The following RAI1 variants were observed in gnomAD, a reference collection of about 807,000 sequenced individuals.
RAI1 encodes retinoic acid-induced protein 1.
RAI1 carries 9 observed loss-of-function variants against 123.8 expected under a neutral mutation model. That is an observed-to-expected ratio of 0.07 (90% CI 0.04 to 0.13). The LOEUF is 0.13. Ranked by LOEUF, RAI1 falls within the 10% of genes least tolerant of loss-of-function variation. The pLI, the probability that RAI1 is intolerant of heterozygous loss-of-function variation, is 1.00. For synonymous variants in RAI1, 1,231 were observed against 1,127.3 expected (o/e 1.09, Z -1.84); for missense variants, 2,256 against 2,545.8 (o/e 0.89, Z 2.45).
intron 2 of RAI1, among the ~76,000 whole-genome samples, chr17:17,782,423 G>C (rs1393688204): frequency 6.6e-6 from 1 of 151,822 alleles, no homozygotes; most frequent in East Asian, 2.0e-4. Flanking sequence ...GCCGGGCGGG[G>C]TGCCCGCCTG....
chr17:17,741,714 A>G (rs1021845755), intron 2 of RAI1, among the ~76,000 whole-genome samples: 7 of 152,232 alleles, frequency 4.6e-5, no homozygotes, highest in African/African-American at 1.7e-4. Flanking sequence ...TCAGGAAAGC[A>G]AGAGAATCCC....
chr17:17,780,010 C>G (rs568713732), intron 2 of RAI1, among the ~76,000 whole-genome samples: 3 of 150,594 alleles, frequency 2.0e-5, no homozygotes, highest in African/African-American at 7.3e-5. Flanking sequence ...CTCCTGACCT[C>G]ATGATCCGCC....
rs1228372287 is a variant in RAI1, at chr17:17,794,886, C to T, written c.1938C>T (p.His646=). The part of the protein sequence containing the change: ...SSKPPFSLEN[H]SACLDSVAKS... ...AGCCACCCTTCTCGCTGGAGAACCA[C>T]AGCGCCTGCCTGGACTCTGTGGCCA... Residue 646 remains histidine (H), a synonymous_variant, in exon 3 of 6, where the codon CAC becomes CAT. Transcript: ENST00000353383. 8 of 1,613,472 alleles carry T rather than the reference C, an allele frequency of 5.0e-6. No individual in the cohort carries two copies. The Admixed American group carries it at 6.7e-5, about 13-fold the overall frequency.
At chr17:17,769,315 A>G (rs114842448) in intron 2 of RAI1, among the ~76,000 whole-genome samples, 2,831 of 152,188 alleles carry the variant, frequency 0.019, 85 homozygotes, top group African/African-American at 0.064. Context: ...CCAAAAGGAG[A>G]GGGAGACAAG....
intron 2 of RAI1, among the ~76,000 whole-genome samples, chr17:17,773,171 G>A (rs537606962): frequency 6.6e-6 from 1 of 152,288 alleles, no homozygotes; most frequent in South Asian, 2.1e-4. Context: ...TCTATGAGGT[G>A]AGTCCAGAGG....
chr17:17,690,066 G>A (rs954609472), intron 1 of RAI1, among the ~76,000 whole-genome samples: 7 of 152,200 alleles, frequency 4.6e-5, no homozygotes, highest in South Asian at 2.1e-4. Context: ...TTTGTCTGGC[G>A]CCAGGTGTGC....
At chr17:17,687,141 C>T (rs549944548) in intron 1 of RAI1, among the ~76,000 whole-genome samples, 1 of 152,276 alleles carries the variant, frequency 6.6e-6, no homozygotes, top group East Asian at 1.9e-4. Context: ...CACCACCACG[C>T]CCGGCTAGTT....
rs930433948 is a variant in RAI1, at chr17:17,717,517, C to T, written c.-148-6511C>T. ...CTCTCAGTGCATTTCCTCAGGCACCCTCTGGTGCCTAACCCTGTGGCTCTA... is the reference window on the plus strand; with the variant it reads ...CTCTCAGTGCATTTCCTCAGGCACCTTCTGGTGCCTAACCCTGTGGCTCTA... On this transcript the variant is annotated intron_variant, in intron 1 of 5. Coordinates refer to ENST00000353383, the MANE Select transcript of RAI1 (RefSeq NM_030665.4). Among the ~76,000 whole-genome samples the T allele has an allele frequency of 4.6e-5, 7 of 152,264 alleles. No individual in the cohort carries two copies. The East Asian group carries it at 1.2e-3, about 25-fold the overall frequency.
At chr17:17,757,016 A>C (rs1598057373) in intron 2 of RAI1, among the ~76,000 whole-genome samples, 2 of 152,076 alleles carry the variant, frequency 1.3e-5, no homozygotes, top group Non-Finnish European at 1.5e-5. Flanking sequence ...CCCTGTGTAC[A>C]CTTCACCCTA....
chr17:17,722,379 A>G (rs1260944786), intron 1 of RAI1, among the ~76,000 whole-genome samples: 1 of 152,160 alleles, frequency 6.6e-6, no homozygotes, highest in Non-Finnish European at 1.5e-5. Flanking sequence ...CTGCACTCAG[A>G]ACCCCCCTCA....
intron 2 of RAI1, among the ~76,000 whole-genome samples, chr17:17,785,702 C>A (rs186040213): frequency 1.4e-4 from 22 of 152,308 alleles, no homozygotes; most frequent in Non-Finnish European, 1.5e-5. Context: ...GAGTGCACCT[C>A]CTGCACGGGT....
At chr17:17,804,190 T>C (rs1598099334) in intron 4 of RAI1, 1 of 375,864 alleles carries the variant, frequency 2.7e-6, no homozygotes, top group Admixed American at 3.9e-5. Flanking sequence ...GTATTGGAGG[T>C]TGGGCCTTTG....
At chr17:17,731,373 G>A (rs992254818) in intron 2 of RAI1, among the ~76,000 whole-genome samples, 3 of 152,264 alleles carry the variant, frequency 2.0e-5, no homozygotes, top group Admixed American at 6.5e-5. Context: ...TTTTGCTGCA[G>A]AAGGAAGGGT....
intron 2 of RAI1, among the ~76,000 whole-genome samples, chr17:17,741,195 C>T (rs1916624395): frequency 1.3e-5 from 2 of 152,192 alleles, no homozygotes; most frequent in Non-Finnish European, 2.9e-5. Context: ...CTCTCCCCAC[C>T]ACCCTCCTGA....
intron 1 of RAI1, among the ~76,000 whole-genome samples, chr17:17,690,212 C>G (rs1914789859): frequency 6.6e-6 from 1 of 151,924 alleles, no homozygotes; most frequent in Admixed American, 6.6e-5. Context: ...ATGGTGAAAC[C>G]CCATCTCTAC....
intron 1 of RAI1, among the ~76,000 whole-genome samples, chr17:17,691,171 CAG>C (rs1323319494): frequency 1.3e-5 from 2 of 152,172 alleles, no homozygotes; most frequent in African/African-American, 4.8e-5. Flanking sequence ...TCTTGTGTCT[CAG>C]GGGACACTGG....
intron 2 of RAI1, among the ~76,000 whole-genome samples, chr17:17,744,472 A>G (rs1413737989): frequency 6.6e-6 from 1 of 152,124 alleles, no homozygotes; most frequent in African/African-American, 2.4e-5. Context: ...TTTTAATTCC[A>G]AAAGAAAGGA....
chr17:17,757,604 G>C (rs1429473862), intron 2 of RAI1, among the ~76,000 whole-genome samples: 2 of 151,698 alleles, frequency 1.3e-5, no homozygotes, highest in Non-Finnish European at 2.9e-5. Flanking sequence ...CCTCTTCTCG[G>C]AGGATTTTTT....
intron 2 of RAI1, among the ~76,000 whole-genome samples, chr17:17,741,726 G>A (rs759267656): frequency 6.6e-6 from 1 of 152,212 alleles, no homozygotes; most frequent in Non-Finnish European, 1.5e-5. Flanking sequence ...GAGAATCCCC[G>A]AGGTGGTTCT....
Sources: allele counts gnomAD v4.1 joint callset (sites outside exome capture counted in the v4.1 genomes callset), GRCh38; gene constraint gnomAD v4.1.1; transcripts MANE v1.5; gene names NCBI Gene and HGNC (gene_info 2026-07-23, HGNC 2026-07-21).